AMBRA1: variants seen among roughly 807,000 people sequenced by gnomAD.
The protein encoded by AMBRA1 is activating molecule in BECN1-regulated autophagy protein 1.
AMBRA1 carries 47 observed loss-of-function variants against 125.4 expected under a neutral mutation model. The ratio of observed to expected loss-of-function variants is 0.37; its 90% CI spans 0.30 to 0.48. The LOEUF (loss-of-function observed/expected upper bound fraction) is 0.48. AMBRA1 is among the 20% of genes least tolerant of loss of function. The probability of loss-of-function intolerance (pLI) is 0.99; values close to 1 mark genes in which losing one functional copy is unlikely to be tolerated. For synonymous variants in AMBRA1, 626 were observed against 655.5 expected (o/e 0.95, Z 0.69); for missense variants, 1,331 against 1,693.4 (o/e 0.79, Z 3.76).
chr11:46,552,441 A>AC (rs2043034136), intron 1 of AMBRA1, among the ~76,000 whole-genome samples: 1 of 142,504 alleles, frequency 7.0e-6, no homozygotes, highest in Non-Finnish European at 1.5e-5. Context: ...TAATCCCAGC[A>AC]CTTTGGGAGG....
At chr11:46,490,340 G>A (rs1754358609) in intron 11 of AMBRA1, among the ~76,000 whole-genome samples, 1 of 152,144 alleles carries the variant, frequency 6.6e-6, no homozygotes, top group African/African-American at 2.4e-5. Flanking sequence ...AGAATTGCAG[G>A]TGAAGGCACC....
At chr11:46,478,280 T>C (rs1187932404) in intron 11 of AMBRA1, among the ~76,000 whole-genome samples, 1 of 152,234 alleles carries the variant, frequency 6.6e-6, no homozygotes, top group African/African-American at 2.4e-5. Context: ...ACTTTTCTTC[T>C]GAGTTGCTTC....
intron 7 of AMBRA1, among the ~76,000 whole-genome samples, chr11:46,522,693 G>T (rs1318895694): frequency 2.6e-5 from 4 of 152,118 alleles, no homozygotes; most frequent in African/African-American, 9.7e-5. Context: ...ATTTTATTCA[G>T]AAGCACAGAT....
chr11:46,488,482 T>C (rs1950341560), intron 11 of AMBRA1, among the ~76,000 whole-genome samples: 1 of 150,536 alleles, frequency 6.6e-6, no homozygotes, highest in African/African-American at 2.4e-5. Context: ...ACTGACAAAA[T>C]TGAAGGGAAA....
Position 46,548,021 on chromosome 11 carries a change from A to G in AMBRA1, c.136-146T>C. The G allele has an allele frequency of 2.5e-6, 3 of 1,209,312 alleles. No individual in the cohort carries two copies. In the Admixed American group the frequency reaches 6.5e-5, roughly 26 times the overall value. The allele number at this position is 1,209,312 out of a possible 1,614,324, so 74.9% of individuals were successfully genotyped here. A position where few individuals can be genotyped will look rare whatever the true frequency, so the allele number is the denominator to read the frequency against. Reference sequence around the variant, plus strand: ...GACAATGATCAAGCTACAAATTGAGAGAGATAAACCTAAATTACCTTCAGG... The same window carrying G: ...GACAATGATCAAGCTACAAATTGAGGGAGATAAACCTAAATTACCTTCAGG... On this transcript the variant is annotated intron_variant, in intron 2 of 17. Transcript: ENST00000683756.
intron 1 of AMBRA1, among the ~76,000 whole-genome samples, chr11:46,564,850 C>G (rs2043466046): frequency 1.3e-5 from 2 of 152,168 alleles, no homozygotes; most frequent in African/African-American, 4.8e-5. Context: ...CACAGATCAT[C>G]AGATGAGACA....
intron 7 of AMBRA1, among the ~76,000 whole-genome samples, chr11:46,526,202 G>A (rs577989942): frequency 7.2e-5 from 11 of 151,840 alleles, no homozygotes; most frequent in South Asian, 6.3e-4. Flanking sequence ...GCGAAACATC[G>A]GCTCAAAAAT....
Position 46,573,873 on chromosome 11 carries a change from A to T in AMBRA1, c.-121+19955T>A, listed in dbSNP as rs1227889056. Among the ~76,000 whole-genome samples the T allele has an allele frequency of 3.1e-5, 4 of 127,494 alleles. No individual in the cohort carries two copies. In the East Asian group the frequency reaches 7.0e-4, roughly 22 times the overall value. 83.6% of individuals were successfully genotyped at this position (127,494 alleles called of 152,430 possible). The stretch of plus-strand genomic sequence containing the variant: ...ATATTCCCCTTCCTGTGTCCATGTG[A>T]TCTCATTGTTCAATTCCCACCTATG... On this transcript the variant is annotated intron_variant, in intron 1 of 17. Coordinates refer to ENST00000683756, the MANE Select transcript of AMBRA1 (RefSeq NM_001387011.1).
intron 12 of AMBRA1, among the ~76,000 whole-genome samples, chr11:46,437,468 C>A (rs906860306): frequency 6.6e-6 from 1 of 152,210 alleles, no homozygotes; most frequent in Non-Finnish European, 1.5e-5. Context: ...AGAAATTTTG[C>A]AGCTCATGAT....
chr11:46,455,927 T>C (rs1296174618), intron 11 of AMBRA1, among the ~76,000 whole-genome samples: 2 of 152,198 alleles, frequency 1.3e-5, no homozygotes, highest in African/African-American at 4.8e-5. Context: ...GATGCTCCTG[T>C]GTGGGTAGAG....
intron 1 of AMBRA1, among the ~76,000 whole-genome samples, chr11:46,589,182 C>T (rs2044505531): frequency 6.6e-6 from 1 of 152,200 alleles, no homozygotes; most frequent in Non-Finnish European, 1.5e-5. Flanking sequence ...CAGGCTGCCA[C>T]ATACTACTGG....
chr11:46,515,522 G>T (rs2135065557), intron 7 of AMBRA1, among the ~76,000 whole-genome samples: 1 of 152,114 alleles, frequency 6.6e-6, no homozygotes, highest in Non-Finnish European at 1.5e-5. Context: ...CCTTCTTAAA[G>T]AAACTAATTA....
chr11:46,499,059 T>C (rs1017971343), intron 9 of AMBRA1, among the ~76,000 whole-genome samples: 1 of 152,230 alleles, frequency 6.6e-6, no homozygotes, highest in Non-Finnish European at 1.5e-5. Flanking sequence ...CCCCAGCTGA[T>C]ATCATTCATA....
chr11:46,473,588 A>G (rs1949691642), intron 11 of AMBRA1, among the ~76,000 whole-genome samples: 1 of 152,240 alleles, frequency 6.6e-6, no homozygotes, highest in South Asian at 2.1e-4. Context: ...GGATTTCTGG[A>G]GGTAGAATAG....
At chr11:46,532,678 G>C (rs924312313) in intron 7 of AMBRA1, among the ~76,000 whole-genome samples, 1 of 152,136 alleles carries the variant, frequency 6.6e-6, no homozygotes, top group African/African-American at 2.4e-5. Context: ...CTTGTGATCC[G>C]CCCACCTTGG....
chr11:46,533,583 T>C (rs1405924106), intron 7 of AMBRA1, among the ~76,000 whole-genome samples: 1 of 152,182 alleles, frequency 6.6e-6, no homozygotes, highest in African/African-American at 2.4e-5. Context: ...TTAAGGCCTC[T>C]CTTATCTTGA....
chr11:46,494,261 A>C, intron 9 of AMBRA1, 57 bp from the exon 10 acceptor site: 2 of 1,442,776 alleles, frequency 1.4e-6, no homozygotes, highest in Non-Finnish European at 1.9e-6. Context: ...ATCATCCACC[A>C]GCCCAAAAAG....
At position 46,508,250 on chromosome 11, in the gene AMBRA1, AGAG is replaced by A. The variant is rs758845209; in HGVS notation, c.2277_2279del (p.Ser762del). 2.0e-5 allele frequency: 32 copies of A among 1,614,092 alleles called. No individual in the cohort carries two copies. The highest frequency in any genetic ancestry group is 2.7e-5 in the Non-Finnish European group (32 of 1,180,014). On this transcript the variant is annotated inframe_deletion, in exon 9 of 18. Transcript: ENST00000683756. ...CTGATGGACCCTGGTTGTCTGAGGA[AGAG>A]GAGGAGGTGGAAGAACGGAGACGGT...
intron 13 of AMBRA1, 125 bp downstream of exon 13, chr11:46,434,724 G>C (rs1308210348): frequency 1.4e-5 from 14 of 1,004,066 alleles, no homozygotes; most frequent in Non-Finnish European, 1.8e-5. Context: ...TCTCTGGCCT[G>C]TGCCCCAGTG....
Sources: allele counts gnomAD v4.1 joint callset (sites outside exome capture counted in the v4.1 genomes callset), GRCh38; gene constraint gnomAD v4.1.1; transcripts MANE v1.5; gene names NCBI Gene and HGNC (gene_info 2026-07-23, HGNC 2026-07-21).